Variants in GNAZ observed in about 807,000 individuals in gnomAD.
GNAZ encodes guanine nucleotide-binding protein G(z) subunit alpha.
A neutral mutation model predicts 25.4 loss-of-function variants in GNAZ; 3 were observed. That is an observed-to-expected ratio of 0.12 (90% CI 0.05 to 0.30). The LOEUF is 0.30. Ranked by LOEUF, GNAZ falls within the 10% of genes least tolerant of loss-of-function variation. The pLI, the probability that GNAZ is intolerant of heterozygous loss-of-function variation, is 1.00. For missense variants in GNAZ, 241 were observed against 501.8 expected (o/e 0.48, Z 4.97); for synonymous variants, 211 against 205.7 (o/e 1.03, Z -0.22).
intron 2 of GNAZ, among the ~76,000 whole-genome samples, chr22:23,108,855 T>G (rs1178651957): frequency 6.6e-6 from 1 of 152,230 alleles, no homozygotes; most frequent in Non-Finnish European, 1.5e-5. Flanking sequence ...ATTTGGGGAC[T>G]CAGTACTCTG....
chr22:23,097,814 C>G (rs1480448995), intron 2 of GNAZ, among the ~76,000 whole-genome samples: 1 of 152,244 alleles, frequency 6.6e-6, no homozygotes, highest in Non-Finnish European at 1.5e-5. Context: ...TCAGGCCAGA[C>G]CCTTGGGACA....
chr22:23,093,841 T>C (rs951105885), intron 1 of GNAZ, among the ~76,000 whole-genome samples: 3 of 151,938 alleles, frequency 2.0e-5, no homozygotes, highest in Non-Finnish European at 1.5e-5. Context: ...AGGGAGCAGG[T>C]GTGAGAGGCC....
chr22:23,078,158 C>T (rs1029936694), intron 1 of GNAZ, among the ~76,000 whole-genome samples: 1 of 152,228 alleles, frequency 6.6e-6, no homozygotes, highest in Non-Finnish European at 1.5e-5. Flanking sequence ...ATGGTCACCC[C>T]CTCACCCGCT....
chr22:23,075,072 A>G (rs557124036), intron 1 of GNAZ, among the ~76,000 whole-genome samples: 161 of 152,296 alleles, frequency 1.1e-3, no homozygotes, highest in African/African-American at 3.7e-3. Context: ...TGGATGCCCA[A>G]GTGAGTGCCC....
intron 1 of GNAZ, among the ~76,000 whole-genome samples, chr22:23,093,083 G>A (rs889500267): frequency 1.3e-5 from 2 of 152,218 alleles, no homozygotes; most frequent in African/African-American, 2.4e-5. Flanking sequence ...TCCTCCATGC[G>A]CTCATGGTTC....
At chr22:23,090,925 G>A (rs991887840) in intron 1 of GNAZ, among the ~76,000 whole-genome samples, 4 of 152,174 alleles carry the variant, frequency 2.6e-5, no homozygotes, top group African/African-American at 9.7e-5. Context: ...CAGAATCAAA[G>A]CCATGGTTTA....
chr22:23,123,410 C>A lies in GNAZ; in HGVS notation c.1047C>A (p.Leu349=). 6.2e-7 allele frequency: 1 copy of A among 1,612,978 alleles called. No individual in the cohort carries two copies. Among genetic ancestry groups the A allele is most frequent in the East Asian group, 2.2e-5 (1 of 44,848 alleles). The change falls in exon 3 of 3, where the codon CTC becomes CTA. Residue 349 remains leucine, a synonymous_variant. Transcript: ENST00000615612. ...CAGACGTCATCATACAGAACAATCT[C>A]AAGTACATTGGCCTTTGCTGAGGAG... is the stretch of plus-strand genomic sequence containing the variant. ...AVTDVIIQNN[L]KYIGLC is the part of the protein sequence containing the mutation.
At chr22:23,110,869 G>A (rs963019440) in intron 2 of GNAZ, among the ~76,000 whole-genome samples, 4 of 152,292 alleles carry the variant, frequency 2.6e-5, no homozygotes, top group South Asian at 2.1e-4. Context: ...TGAGGCTGGC[G>A]AGCACACGGG....
chr22:23,078,791 G>T lies in GNAZ; in HGVS notation c.-450+8221G>T, dbSNP rs555946411. 1.5e-3 allele frequency among the ~76,000 whole-genome samples: 233 copies of T among 152,332 alleles called. 1 individual carries two copies. The highest frequency in any genetic ancestry group is 5.3e-3 in the African/African-American group (219 of 41,576). ...ATGTATGTGGGGTGGGAGCACACTT[G>T]CAGGGGTAGCAACAGAAGCCCAGCC... On this transcript the variant is annotated intron_variant, in intron 1 of 2. Coordinates refer to ENST00000615612, the MANE Select transcript of GNAZ (RefSeq NM_002073.4).
At position 23,084,317 on chromosome 22, in the gene GNAZ, C is replaced by T. The variant is rs142418638; in HGVS notation, c.-449-10930C>T. Among the ~76,000 whole-genome samples the T allele has an allele frequency of 9.4e-3, 1,424 of 152,260 alleles. 14 individuals are homozygous for T. The highest frequency in any genetic ancestry group is 0.014 in the Non-Finnish European group (975 of 68,004). On this transcript the variant is annotated intron_variant, in intron 1 of 2. Transcript: ENST00000615612. ...TTCATTCTGATTCTCCCTGTCAGTACGGTATTCAGTAAATTCCACAAGATA... is the reference window on the plus strand; with the variant it reads ...TTCATTCTGATTCTCCCTGTCAGTATGGTATTCAGTAAATTCCACAAGATA...
chr22:23,100,286 G>A (rs1051140241), intron 2 of GNAZ, among the ~76,000 whole-genome samples: 1 of 152,232 alleles, frequency 6.6e-6, no homozygotes, highest in Admixed American at 6.5e-5. Context: ...GAGCTGGCAG[G>A]CAGCAGTTCC....
At position 23,095,645 on chromosome 22, in the gene GNAZ, G is replaced by A; in HGVS notation, c.-51G>A. ...GTCTCAGTGTCCCCTGTGGCAAGAGGGAGAGGTGCCCCATCCCGTGCTCCT... is the reference window on the plus strand; with the variant it reads ...GTCTCAGTGTCCCCTGTGGCAAGAGAGAGAGGTGCCCCATCCCGTGCTCCT... On this transcript the variant is annotated 5_prime_UTR_variant, in exon 2 of 3. Transcript: ENST00000615612. 1 of 1,548,578 alleles carries A rather than the reference G, an allele frequency of 6.5e-7. No homozygotes were observed. The highest frequency in any genetic ancestry group is 2.4e-4 in the Middle Eastern group (1 of 4,226).
intron 1 of GNAZ, among the ~76,000 whole-genome samples, chr22:23,090,991 C>T (rs1296713734): frequency 3.3e-5 from 5 of 152,200 alleles, no homozygotes; most frequent in African/African-American, 1.2e-4. Context: ...CTGCCCCAGT[C>T]GCCTCAGCCT....
At chr22:23,089,279 C>T (rs552561098) in intron 1 of GNAZ, among the ~76,000 whole-genome samples, 65 of 152,302 alleles carry the variant, frequency 4.3e-4, no homozygotes, top group African/African-American at 1.4e-3. Flanking sequence ...CTGCCTCAGC[C>T]GGGGGCACTG....
chr22:23,122,777 G>A (rs914368452), intron 2 of GNAZ: 2 of 403,488 alleles, frequency 5.0e-6, no homozygotes, highest in East Asian at 8.2e-5. Context: ...CGGTTTAGGA[G>A]GCTGTGCTTG....
chr22:23,105,518 A>G (rs1036367071), intron 2 of GNAZ, among the ~76,000 whole-genome samples: 1 of 152,226 alleles, frequency 6.6e-6, no homozygotes, highest in Non-Finnish European at 1.5e-5. Context: ...CTGCAGTGCC[A>G]GCGGCTAGGA....
In GNAZ at chr22:23,073,504, C is replaced by T. The variant is rs986978387; in HGVS notation, c.-450+2934C>T. On this transcript the variant is annotated intron_variant, in intron 1 of 2. Transcript: ENST00000615612. The stretch of plus-strand genomic sequence containing the variant: ...GGTCCTGGTCCCACCATCCTAGGTC[C>T]AGCCCCTTTTTCTCTGAACCTCATT... 3.9e-5 allele frequency among the ~76,000 whole-genome samples: 6 copies of T among 152,296 alleles called. No individual in the cohort carries two copies. In the South Asian group the frequency reaches 8.3e-4, roughly 21 times the overall value.
In GNAZ at chr22:23,071,375, G is replaced by A. The variant is rs992224139; in HGVS notation, c.-450+805G>A. ...GGGCTCCTGTTAACTGAGACAAGAG[G>A]ATGATGCCAAGCGAGACCAGCGTTC... On this transcript the variant is annotated intron_variant, in intron 1 of 2. Coordinates refer to ENST00000615612, the MANE Select transcript of GNAZ (RefSeq NM_002073.4). The surrounding 1 kb of genome is among the most constrained non-coding windows in gnomAD (Gnocchi z 4.1). Among the ~76,000 whole-genome samples the A allele has an allele frequency of 2.0e-5, 3 of 152,180 alleles. No individual in the cohort carries two copies. The highest frequency in any genetic ancestry group is 4.4e-5 in the Non-Finnish European group (3 of 68,030).
At chr22:23,094,706 A>G (rs2069074749) in intron 1 of GNAZ, among the ~76,000 whole-genome samples, 1 of 152,222 alleles carries the variant, frequency 6.6e-6, no homozygotes, top group Non-Finnish European at 1.5e-5. Flanking sequence ...GGGCTGGCCC[A>G]TCAGAGTGCC....
Sources: gnomAD v4.1 joint callset for allele counts (sites outside exome capture counted in the v4.1 genomes callset) on GRCh38, gnomAD v4.1.1 for gene constraint, Gnocchi (gnomAD v3.1) non-coding constraint, MANE v1.5 for transcripts, NCBI Gene and HGNC (gene_info 2026-07-23, HGNC 2026-07-21) for gene names.